The following ARRDC5 variants were observed in gnomAD, a reference collection of about 807,000 sequenced individuals.
ARRDC5 encodes arrestin domain containing 5, also known as arrestin domain-containing protein 5.
ARRDC5 carries 12 observed loss-of-function variants against 13.3 expected under a neutral mutation model. That is an observed-to-expected ratio of 0.90 (90% CI 0.58 to 1.46). ARRDC5 has a LOEUF of 1.46. ARRDC5 is among the 40% of genes most tolerant of loss of function. The probability of loss-of-function intolerance (pLI) is 0.00; values close to 1 mark genes in which losing one functional copy is unlikely to be tolerated. For missense variants in ARRDC5, 406 were observed against 418.7 expected (o/e 0.97, Z 0.26); for synonymous variants, 181 against 173.4 (o/e 1.04, Z -0.34).
At chr19:4,897,358 G>A (rs557593385) in intron 1 of ARRDC5, among the ~76,000 whole-genome samples, 2 of 152,142 alleles carry the variant, frequency 1.3e-5, no homozygotes, top group Admixed American at 1.3e-4. Flanking sequence ...AGGACCTGCT[G>A]GGCCTATAAA....
chr19:4,902,831 G>A lies in ARRDC5; in HGVS notation c.-6C>T, dbSNP rs759955306. The stretch of plus-strand genomic sequence containing the variant: ...ATCGACTTCACCACAGACATGGGGG[G>A]TTGGGGGGTAGAGAGACATTCCTCT... On this transcript the variant is annotated 5_prime_UTR_variant, in exon 1 of 3. Transcript: ENST00000650722. 8.1e-6 allele frequency: 13 copies of A among 1,613,840 alleles called. No individual in the cohort carries two copies. Among genetic ancestry groups the A allele is most frequent in the African/African-American group, 5.3e-5 (4 of 74,998 alleles).
At chr19:4,906,859 C>T (rs1041933036), upstream of ARRDC5, among the ~76,000 whole-genome samples, 17 of 152,230 alleles carry the variant, frequency 1.1e-4, no homozygotes, top group Non-Finnish European at 1.5e-5. Context: ...TAGAAATAGG[C>T]TAGGTTCCTG....
the ARRDC5 span, among the ~76,000 whole-genome samples, chr19:4,908,254 G>A: frequency 6.6e-6 from 1 of 152,072 alleles, no homozygotes; most frequent in Non-Finnish European, 1.5e-5. Context: ...GTCTAGAGAC[G>A]CATATCTTCG....
the ARRDC5 span, among the ~76,000 whole-genome samples, chr19:4,914,853 G>C: frequency 2.6e-5 from 4 of 152,102 alleles, no homozygotes; most frequent in African/African-American, 9.7e-5. Flanking sequence ...ATTCAATGAG[G>C]TTGTGGATTT....
chr19:4,909,300 C>T, the ARRDC5 span: 1 of 542,714 alleles, frequency 1.8e-6, no homozygotes, highest in Non-Finnish European at 3.2e-6. Flanking sequence ...GCACGCTGGG[C>T]GCGCCCAGCA....
upstream of ARRDC5, chr19:4,902,950 A>G: frequency 1.4e-6 from 2 of 1,468,066 alleles, no homozygotes. Flanking sequence ...GGAAGTGGGG[A>G]CCCCAGTGGC....
chr19:4,896,525 C>A, intron 2 of ARRDC5, 146 bp downstream of exon 2: 3 of 625,646 alleles, frequency 4.8e-6, no homozygotes, highest in Non-Finnish European at 8.5e-6. Flanking sequence ...TCTGACTCAC[C>A]TTTTGTGAAA....
At chr19:4,892,163 G>A (rs74172668) in intron 2 of ARRDC5, among the ~76,000 whole-genome samples, 3 of 151,514 alleles carry the variant, frequency 2.0e-5, no homozygotes, top group Non-Finnish European at 4.4e-5. Flanking sequence ...TCTCGGCTCA[G>A]TGCAACCTCC....
intron 2 of ARRDC5, among the ~76,000 whole-genome samples, chr19:4,896,361 TACACACACACACACAC>T (rs71170877): frequency 2.4e-5 from 2 of 84,958 alleles, no homozygotes; most frequent in East Asian, 3.5e-4. Flanking sequence ...TTTTTTTTTT[TACACACACACACACAC>T]ACACACACAC....
rs33946883 is a variant in ARRDC5 at position 4,891,954 on chromosome 19, C to CAAAAA, written c.460-386_460-382dup. 5.0e-5 allele frequency among the ~76,000 whole-genome samples: 7 copies of CAAAAA among 138,974 alleles called. 1 individual carries two copies. The highest frequency in any genetic ancestry group is 1.6e-4 in the African/African-American group (6 of 37,336). The allele number at this position is 138,974 out of a possible 152,430, so 91.2% of individuals were successfully genotyped here. On this transcript the variant is annotated intron_variant, in intron 2 of 2. Coordinates refer to ENST00000650722, the MANE Select transcript of ARRDC5 (RefSeq NM_001080523.3). ...AGGGCTACAGAGCAAAACTCCGTCT[C>CAAAAA]AAAAAAAAAAAAAAGTCTCTGGGGC...
At chr19:4,914,935 C>T in the ARRDC5 span, among the ~76,000 whole-genome samples, 235 of 152,300 alleles carry the variant, frequency 1.5e-3, 1 homozygote, top group African/African-American at 4.6e-3. Flanking sequence ...GGGCCTGTCC[C>T]GCTCTGCACT....
At chr19:4,916,188 C>A in the ARRDC5 span, among the ~76,000 whole-genome samples, 1 of 152,132 alleles carries the variant, frequency 6.6e-6, no homozygotes, top group Non-Finnish European at 1.5e-5. Context: ...TGCCTGTAGT[C>A]CTAGCTACTC....
upstream of ARRDC5, among the ~76,000 whole-genome samples, chr19:4,904,119 G>A (rs1475339320): frequency 1.3e-5 from 2 of 151,976 alleles, no homozygotes; most frequent in Non-Finnish European, 2.9e-5. Context: ...TGGGATTACG[G>A]GCATGGGGGT....
chr19:4,912,155 G>A, the ARRDC5 span, among the ~76,000 whole-genome samples: 4 of 152,140 alleles, frequency 2.6e-5, no homozygotes, highest in East Asian at 1.9e-4. Context: ...GAGTTAACCC[G>A]CCCTGCCCCG....
chr19:4,900,720 A>T (rs1392005349), intron 1 of ARRDC5, among the ~76,000 whole-genome samples: 1 of 151,990 alleles, frequency 6.6e-6, no homozygotes, highest in African/African-American at 2.4e-5. Context: ...TCTCATCTAA[A>T]TTTTTAAAGT....
the ARRDC5 span, among the ~76,000 whole-genome samples, chr19:4,915,432 G>A: frequency 6.6e-6 from 1 of 152,208 alleles, no homozygotes; most frequent in Admixed American, 6.5e-5. Flanking sequence ...AAACAGGTAT[G>A]GCGGGGCCCA....
the ARRDC5 span, among the ~76,000 whole-genome samples, chr19:4,911,505 T>C: frequency 1.3e-5 from 2 of 152,132 alleles, no homozygotes; most frequent in Non-Finnish European, 2.9e-5. Context: ...TCTAAAAATT[T>C]GGATTAGCTT....
upstream of ARRDC5, among the ~76,000 whole-genome samples, chr19:4,904,401 A>C (rs2602716): frequency 2.6e-5 from 4 of 151,864 alleles, no homozygotes; most frequent in African/African-American, 7.3e-5. Context: ...GGATGGTCTC[A>C]ATCTCCTGAC....
the ARRDC5 span, among the ~76,000 whole-genome samples, chr19:4,915,329 G>T: frequency 4.6e-5 from 7 of 152,012 alleles, no homozygotes; most frequent in Non-Finnish European, 7.4e-5. Context: ...CTCTGTTAGG[G>T]TGACTCACCA....
Sources: allele counts gnomAD v4.1 joint callset (sites outside exome capture counted in the v4.1 genomes callset), GRCh38; gene constraint gnomAD v4.1.1; transcripts MANE v1.5; gene names NCBI Gene and HGNC (gene_info 2026-07-23, HGNC 2026-07-21).